SLC35F4: variants seen among roughly 807,000 people sequenced by gnomAD.
SLC35F4 encodes the protein chromosome 14 open reading frame 36.
A neutral mutation model predicts 44.2 loss-of-function variants in SLC35F4; 24 were observed. The ratio of observed to expected loss-of-function variants is 0.54; its 90% CI spans 0.39 to 0.76. The LOEUF (loss-of-function observed/expected upper bound fraction) is 0.76, where lower values mean the gene tolerates loss of function less well. SLC35F4 is among the 30% of genes least tolerant of loss of function. The pLI is 0.00. For synonymous variants in SLC35F4, 238 were observed against 223.6 expected (o/e 1.06, Z -0.57); for missense variants, 562 against 586.1 (o/e 0.96, Z 0.42).
At chr14:57,584,462 A>G (rs913300312) in intron 3 of SLC35F4, among the ~76,000 whole-genome samples, 1 of 152,192 alleles carries the variant, frequency 6.6e-6, no homozygotes, top group African/African-American at 2.4e-5. Flanking sequence ...ACTTCTTGGC[A>G]GATGGTATTA....
chr14:57,935,711 T>G (rs1889783120), intron 1 of SLC35F4, among the ~76,000 whole-genome samples: 1 of 152,212 alleles, frequency 6.6e-6, no homozygotes, highest in South Asian at 2.1e-4. Context: ...TGCCATTACT[T>G]TACCATACCC....
intron 1 of SLC35F4, among the ~76,000 whole-genome samples, chr14:57,603,635 G>A (rs1025184576): frequency 6.6e-6 from 1 of 152,142 alleles, no homozygotes; most frequent in Admixed American, 6.5e-5. Context: ...ACAGGATATT[G>A]GGTAGTGATG....
rs575547258 is a variant in SLC35F4, at chr14:57,939,653, T to C, written n.282+42260A>G. On this transcript the variant is annotated intron_variant and non_coding_transcript_variant, in intron 1 of 1. Coordinates refer to the SLC35F4 transcript ENST00000556568. ...TTTCTATCCAATAGCGACTCAATAC[T>C]ATCTATGGGAGCCATTTAATTAATG... Among the ~76,000 whole-genome samples, 34 of 152,306 alleles carry C rather than the reference T, an allele frequency of 2.2e-4. No individual in the cohort carries two copies. In the East Asian group the frequency reaches 6.2e-3, roughly 28 times the overall value.
chr14:57,568,061 T>C (rs2068291939), intron 6 of SLC35F4, among the ~76,000 whole-genome samples: 1 of 152,228 alleles, frequency 6.6e-6, no homozygotes, highest in African/African-American at 2.4e-5. Context: ...CACTGAAGAC[T>C]GTAAGATCCT....
rs1005601881 is a variant in SLC35F4 at position 57,696,156 on chromosome 14, G to A, written c.104-102032C>T. On this transcript the variant is annotated intron_variant, in intron 1 of 7. Coordinates refer to ENST00000556826, the MANE Select transcript of SLC35F4 (RefSeq NM_001306087.2). Reference sequence around the variant, plus strand: ...AGAGTGAACAGGCAACCTACAGAATGGGAGAAAATTTTTGCAATCTATCCT... The same window carrying A: ...AGAGTGAACAGGCAACCTACAGAATAGGAGAAAATTTTTGCAATCTATCCT... 2.9e-4 allele frequency among the ~76,000 whole-genome samples: 44 copies of A among 152,188 alleles called. 1 individual carries two copies. The highest frequency in any genetic ancestry group is 1.5e-4 in the Non-Finnish European group (10 of 67,996).
chr14:57,812,484 G>A (rs1395914601), intron 1 of SLC35F4, among the ~76,000 whole-genome samples: 1 of 152,196 alleles, frequency 6.6e-6, no homozygotes, highest in East Asian at 1.9e-4. Context: ...ATCTCTGAGA[G>A]GCCCCCAGGC....
intron 3 of SLC35F4, among the ~76,000 whole-genome samples, chr14:57,586,705 G>A (rs182048190): frequency 0.052 from 4,220 of 81,502 alleles, 106 homozygotes; most frequent in Middle Eastern, 0.12. Context: ...GTGACAGAGC[G>A]AGACTCTGTC....
intron 1 of SLC35F4, among the ~76,000 whole-genome samples, chr14:57,830,980 T>C (rs1884312837): frequency 6.6e-6 from 1 of 152,102 alleles, no homozygotes; most frequent in Non-Finnish European, 1.5e-5. Context: ...GGTGCAAAAA[T>C]GAAATAGAAT....
intron 1 of SLC35F4, among the ~76,000 whole-genome samples, chr14:57,931,576 C>A (rs1462739221): frequency 6.6e-6 from 1 of 151,960 alleles, no homozygotes; most frequent in Admixed American, 6.5e-5. Flanking sequence ...AAAATTAGTT[C>A]TTTCCACATA....
intron 1 of SLC35F4, among the ~76,000 whole-genome samples, chr14:57,908,296 G>A (rs1254222409): frequency 6.6e-6 from 1 of 152,090 alleles, no homozygotes; most frequent in Non-Finnish European, 1.5e-5. Flanking sequence ...ATATTCCTTT[G>A]GGTATATACC....
intron 1 of SLC35F4, among the ~76,000 whole-genome samples, chr14:57,693,524 G>C (rs1163327636): frequency 6.6e-6 from 1 of 152,220 alleles, no homozygotes; most frequent in Non-Finnish European, 1.5e-5. Flanking sequence ...TCCTGCTGCA[G>C]ATAACTAGCC....
intron 1 of SLC35F4, among the ~76,000 whole-genome samples, chr14:57,752,239 A>AT (rs2076901608): frequency 6.6e-6 from 1 of 152,026 alleles, no homozygotes; most frequent in African/African-American, 2.4e-5. Flanking sequence ...TAATTCCTTT[A>AT]TTTTTTCATA....
At chr14:57,669,034 G>A (rs543382412) in intron 1 of SLC35F4, among the ~76,000 whole-genome samples, 1 of 152,184 alleles carries the variant, frequency 6.6e-6, no homozygotes, top group African/African-American at 2.4e-5. Flanking sequence ...TCTCCTTGAA[G>A]AGGGCCTTTA....
chr14:57,865,783 C>A lies in SLC35F4; in HGVS notation c.43G>T (p.Asp15Tyr), dbSNP rs1888114381. Residue 15 changes from aspartate to tyrosine, a missense_variant, in exon 1 of 8, where the codon GAC (aspartate) becomes TAC (tyrosine). Coordinates refer to ENST00000556826, the MANE Select transcript of SLC35F4 (RefSeq NM_001306087.2). ...TAGCCGGTGATCCGCAGGATCCGGT[C>A]CTCGATAGTGGCCACCCCGTTGGGG... ...AAPNGVATIE[D>Y]RILRITGYYG... 1.1e-5 allele frequency: 17 copies of A among 1,522,964 alleles called. No individual in the cohort carries two copies. Among genetic ancestry groups the A allele is most frequent in the Non-Finnish European group, 1.5e-5 (17 of 1,141,808 alleles). 94.3% of individuals were successfully genotyped at this position (1,522,964 alleles called of 1,614,324 possible). A position where few individuals can be genotyped will look rare whatever the true frequency, so the allele number is the denominator to read the frequency against.
chr14:57,846,915 G>C (rs1886082030), intron 1 of SLC35F4, among the ~76,000 whole-genome samples: 1 of 152,174 alleles, frequency 6.6e-6, no homozygotes, highest in African/African-American at 2.4e-5. Context: ...TACCCAGCTT[G>C]TTCTAGGAAA....
intron 1 of SLC35F4, among the ~76,000 whole-genome samples, chr14:57,894,825 G>C (rs1888839630): frequency 6.6e-6 from 1 of 152,102 alleles, no homozygotes; most frequent in Non-Finnish European, 1.5e-5. Context: ...CACAGGACCT[G>C]AAAAAAGTAA....
intron 3 of SLC35F4, among the ~76,000 whole-genome samples, chr14:57,587,865 C>A (rs1330585041): frequency 1.0e-5 from 1 of 97,940 alleles, no homozygotes; most frequent in Non-Finnish European, 2.0e-5. Flanking sequence ...AGTACATGCA[C>A]CTTCCAAAAA....
intron 1 of SLC35F4, among the ~76,000 whole-genome samples, chr14:57,874,137 A>G (rs1021945131): frequency 3.9e-5 from 6 of 152,194 alleles, no homozygotes; most frequent in African/African-American, 1.2e-4. Context: ...CTACAAATGC[A>G]TCTTCATCTG....
At chr14:57,641,917 C>T (rs1455851417) in intron 1 of SLC35F4, among the ~76,000 whole-genome samples, 1 of 151,926 alleles carries the variant, frequency 6.6e-6, no homozygotes, top group Non-Finnish European at 1.5e-5. Flanking sequence ...TTCCTAAAAG[C>T]CATTATTTGG....
Sources: gnomAD v4.1 joint callset for allele counts (sites outside exome capture counted in the v4.1 genomes callset) on GRCh38, gnomAD v4.1.1 for gene constraint, MANE v1.5 for transcripts, NCBI Gene and HGNC (gene_info 2026-07-23, HGNC 2026-07-21) for gene names.